Variants in ADAMTSL1 observed in about 807,000 individuals in gnomAD.
ADAMTSL1 encodes the protein ADAMTS like 1.
ADAMTSL1 carries 126 observed loss-of-function variants against 201.8 expected under a neutral mutation model. That is an observed-to-expected ratio of 0.62 (90% CI 0.54 to 0.72). The LOEUF (loss-of-function observed/expected upper bound fraction) is 0.72, where lower values mean the gene tolerates loss of function less well. Among genes scored for constraint, ADAMTSL1 ranks in the 30% least tolerant of loss-of-function variants. The pLI is 0.00. For missense variants in ADAMTSL1, 2,679 were observed against 2,277.8 expected (o/e 1.18, Z -3.59); for synonymous variants, 1,121 against 903.4 (o/e 1.24, Z -4.32).
chr9:18,138,450 C>T (rs1307711380), intron 1 of ADAMTSL1, among the ~76,000 whole-genome samples: 1 of 152,066 alleles, frequency 6.6e-6, no homozygotes, highest in East Asian at 1.9e-4. Flanking sequence ...TGTAGGTTTG[C>T]AAACCTGCAA....
At chr9:18,030,486 G>T (rs1820904090) in intron 1 of ADAMTSL1, among the ~76,000 whole-genome samples, 1 of 152,066 alleles carries the variant, frequency 6.6e-6, no homozygotes, top group South Asian at 2.1e-4. Flanking sequence ...CACCAGCATG[G>T]CACATGTATA....
intron 8 of ADAMTSL1, among the ~76,000 whole-genome samples, chr9:18,658,110 G>A (rs1418707498): frequency 1.3e-5 from 2 of 152,024 alleles, no homozygotes; most frequent in African/African-American, 2.4e-5. Flanking sequence ...GAGTAGCTGG[G>A]ACTGCAGGCG....
chr9:18,186,667 A>G (rs969502769), intron 2 of ADAMTSL1, among the ~76,000 whole-genome samples: 1 of 152,194 alleles, frequency 6.6e-6, no homozygotes, highest in African/African-American at 2.4e-5. Flanking sequence ...TGAGATCTGT[A>G]GGATGAAAAG....
At chr9:18,684,371 G>C (rs975023120) in intron 12 of ADAMTSL1, among the ~76,000 whole-genome samples, 1 of 151,894 alleles carries the variant, frequency 6.6e-6, no homozygotes. Context: ...CAAGGTAAAT[G>C]CTGCTCTATC....
intron 23 of ADAMTSL1, among the ~76,000 whole-genome samples, chr9:18,867,573 CCCCACTCCAT>C (rs1827616096): frequency 6.6e-6 from 1 of 152,162 alleles, no homozygotes; most frequent in Non-Finnish European, 1.5e-5. Flanking sequence ...TTCACCTATG[CCCCACTCCAT>C]CCTACTCAAT....
At chr9:18,224,093 C>A (rs1201829383) in intron 2 of ADAMTSL1, among the ~76,000 whole-genome samples, 1 of 152,070 alleles carries the variant, frequency 6.6e-6, no homozygotes, top group Admixed American at 6.6e-5. Context: ...CCTTAGAAGC[C>A]AGAGATTTTT....
chr9:18,769,324 C>G (rs1423303116), intron 16 of ADAMTSL1, among the ~76,000 whole-genome samples: 1 of 152,198 alleles, frequency 6.6e-6, no homozygotes, highest in Non-Finnish European at 1.5e-5. Flanking sequence ...CAGGCTTGAT[C>G]TCTCAGCAAG....
intron 3 of ADAMTSL1, among the ~76,000 whole-genome samples, chr9:18,545,101 T>C (rs1239635297): frequency 6.6e-6 from 1 of 152,194 alleles, no homozygotes; most frequent in East Asian, 1.9e-4. Flanking sequence ...GGCAAAGTTA[T>C]AGACTCATAG....
chr9:18,479,174 A>T (rs548905747), intron 1 of ADAMTSL1, among the ~76,000 whole-genome samples: 1 of 152,308 alleles, frequency 6.6e-6, no homozygotes, highest in East Asian at 1.9e-4. Context: ...ATTAAAACCT[A>T]CATTGAATAA....
At chr9:17,914,817 A>C in intron 1 of ADAMTSL1, among the ~76,000 whole-genome samples, 1 of 152,128 alleles carries the variant, frequency 6.6e-6, no homozygotes, top group African/African-American at 2.4e-5. Context: ...AAGCAACTTC[A>C]GCAAAGTCTC....
At chr9:18,056,305 A>G (rs1302624805) in intron 1 of ADAMTSL1, among the ~76,000 whole-genome samples, 1 of 152,166 alleles carries the variant, frequency 6.6e-6, no homozygotes, top group Non-Finnish European at 1.5e-5. Context: ...AAGAAATCTG[A>G]GTTTCTTCCT....
In ADAMTSL1 at chr9:18,027,575, A is replaced by C. The variant is rs138562129; in HGVS notation, c.87+120653A>C. ...CATTTTTATTCCTCTGTGGTCTGAG[A>C]GTATGCTTGGTATGACTTAAATTTT... On this transcript the variant is annotated intron_variant, in intron 1 of 29. Transcript: ENST00000680146. 8.3e-3 allele frequency among the ~76,000 whole-genome samples: 1,258 copies of C among 151,898 alleles called. 4 individuals are homozygous for C. The highest frequency in any genetic ancestry group is 0.015 in the South Asian group (72 of 4,814).
chr9:18,828,975 G>A (rs989897004), intron 22 of ADAMTSL1, among the ~76,000 whole-genome samples: 6 of 151,964 alleles, frequency 3.9e-5, no homozygotes, highest in Admixed American at 2.0e-4. Context: ...ATTCCAACAA[G>A]TGCTCTGGAG....
At chr9:18,468,024 A>G (rs1384328245) in intron 2 of ADAMTSL1, among the ~76,000 whole-genome samples, 2 of 152,242 alleles carry the variant, frequency 1.3e-5, no homozygotes, top group African/African-American at 4.8e-5. Context: ...TGGGTTTACT[A>G]TATGAATATT....
chr9:18,544,837 A>G (rs1022549120), intron 3 of ADAMTSL1, among the ~76,000 whole-genome samples: 3 of 152,258 alleles, frequency 2.0e-5, no homozygotes, highest in Admixed American at 1.3e-4. Context: ...TATTAATGAC[A>G]GAGTGATGAC....
chr9:18,515,319 G>C (rs1412497527), intron 2 of ADAMTSL1, among the ~76,000 whole-genome samples: 1 of 152,110 alleles, frequency 6.6e-6, no homozygotes, highest in Non-Finnish European at 1.5e-5. Context: ...GGGTAAAGAA[G>C]AAAAGAAGAA....
rs564822642 is a variant in ADAMTSL1, at chr9:18,322,863, G to GA, written c.207+158888dup. On this transcript the variant is annotated intron_variant, in intron 2 of 29. Transcript: ENST00000680146. ...TCAATGCAACTTTAAAATGTTACAAGAAAAAATAAATAGAAAATATCAATA... is the reference window on the plus strand; with the variant it reads ...TCAATGCAACTTTAAAATGTTACAAGAAAAAAATAAATAGAAAATATCAATA... Among the ~76,000 whole-genome samples the GA allele has an allele frequency of 2.5e-3, 385 of 152,072 alleles. 1 individual carries two copies. The highest frequency in any genetic ancestry group is 8.6e-3 in the African/African-American group (356 of 41,484).
intron 22 of ADAMTSL1, among the ~76,000 whole-genome samples, chr9:18,829,453 A>C (rs1014622494): frequency 6.6e-6 from 1 of 152,210 alleles, no homozygotes; most frequent in Non-Finnish European, 1.5e-5. Context: ...GCTAAATGAA[A>C]AATGGACTGA....
At chr9:18,883,142 C>T (rs1294477451) in intron 23 of ADAMTSL1, among the ~76,000 whole-genome samples, 3 of 152,180 alleles carry the variant, frequency 2.0e-5, no homozygotes, top group African/African-American at 7.2e-5. Context: ...TAGCTATCAC[C>T]TCACACATAC....
Sources: gnomAD v4.1 joint callset for allele counts (sites outside exome capture counted in the v4.1 genomes callset) on GRCh38, gnomAD v4.1.1 for gene constraint, MANE v1.5 for transcripts, NCBI Gene and HGNC (gene_info 2026-07-23, HGNC 2026-07-21) for gene names.